The following RAB11FIP5 variants were observed in gnomAD, a reference collection of about 807,000 sequenced individuals.
RAB11FIP5 encodes the protein rab11 family-interacting protein 5.
Under a neutral mutation model 85.1 loss-of-function variants are expected in RAB11FIP5, and 48 were observed. The observed-to-expected ratio is 0.56, with a 90% CI of 0.45 to 0.72. The LOEUF is 0.72. Among genes scored for constraint, RAB11FIP5 ranks in the 30% least tolerant of loss-of-function variants. The probability of loss-of-function intolerance (pLI) is 0.00; values close to 1 mark genes in which losing one functional copy is unlikely to be tolerated. For missense variants in RAB11FIP5, 1,491 were observed against 1,687.0 expected (o/e 0.88, Z 2.04); for synonymous variants, 729 against 727.3 (o/e 1.00, Z -0.04).
chr2:73,103,089 AC>A (rs1684460249), intron 1 of RAB11FIP5, among the ~76,000 whole-genome samples: 1 of 151,808 alleles, frequency 6.6e-6, no homozygotes, highest in Non-Finnish European at 1.5e-5. Flanking sequence ...CCTCAAGCCA[AC>A]CCCTGCTGTC....
At position 73,078,729 on chromosome 2, in the gene RAB11FIP5, T is replaced by G. The variant is rs1011822135; in HGVS notation, c.3581+922A>C. 3.3e-5 allele frequency among the ~76,000 whole-genome samples: 5 copies of G among 152,208 alleles called. No individual in the cohort carries two copies. Among genetic ancestry groups the G allele is most frequent in the Non-Finnish European group, 1.5e-5 (1 of 68,028 alleles). On this transcript the variant is annotated intron_variant, in intron 4 of 5. Coordinates refer to ENST00000486777, the MANE Select transcript of RAB11FIP5 (RefSeq NM_001371272.1). This position sits in a 1 kb window ranked among gnomAD's most constrained non-coding sequence, Gnocchi z 4.4. ...CATGAATGCCTGGTCGGGAGGCCAG[T>G]GCTGGAGCCTGCCCTGCTCTCCCCT...
Position 73,089,303 on chromosome 2 carries a change from C to T in RAB11FIP5, c.444G>A (p.Leu148=), listed in dbSNP as rs771692717. The T allele has an allele frequency of 2.5e-6, 4 of 1,613,614 alleles. No individual in the cohort carries two copies. The South Asian group carries it at 4.4e-5, about 18-fold the overall frequency. The change falls in exon 2 of 6, where the codon CTG becomes CTA. Residue 148 remains leucine, a synonymous_variant. Coordinates refer to ENST00000486777, the MANE Select transcript of RAB11FIP5 (RefSeq NM_001371272.1). This position sits in a 1 kb window ranked among gnomAD's most constrained non-coding sequence, Gnocchi z 4.6. Reference sequence around the variant, plus strand: ...TCTCCTTCTTGCCTGGCTTGGAGTGCAGCTTGTACCACCTGTGAGAAGAGG... The same window carrying T: ...TCTCCTTCTTGCCTGGCTTGGAGTGTAGCTTGTACCACCTGTGAGAAGAGG... ...GRAQHTQWYK[L]HSKPGKKEKE...
intron 1 of RAB11FIP5, among the ~76,000 whole-genome samples, chr2:73,094,589 C>A (rs1012866049): frequency 6.6e-6 from 1 of 152,206 alleles, no homozygotes; most frequent in Admixed American, 6.5e-5. Context: ...GGTGGGGCCC[C>A]ACAGGTGAGT....
In RAB11FIP5 at chr2:73,078,493, C is replaced by T. The variant is rs941954672; in HGVS notation, c.3581+1158G>A. On this transcript the variant is annotated intron_variant, in intron 4 of 5. Coordinates refer to ENST00000486777, the MANE Select transcript of RAB11FIP5 (RefSeq NM_001371272.1). The surrounding 1 kb of genome is among the most constrained non-coding windows in gnomAD (Gnocchi z 4.4). ...CACCTCAAGGGAGGAGAGTCACCAC[C>T]ACCACCAGGGAGGGACACTGGGGGC... Among the ~76,000 whole-genome samples, 16 of 152,226 alleles carry T rather than the reference C, an allele frequency of 1.1e-4. No homozygotes were observed. The highest frequency in any genetic ancestry group is 2.2e-4 in the Non-Finnish European group (15 of 68,044).
Position 73,088,280 on chromosome 2 carries a change from A to G in RAB11FIP5, c.1338T>C (p.Ala446=), listed in dbSNP as rs1307659616. The stretch of plus-strand genomic sequence containing the variant: ...TCCGGGCTCCCTCCTTCTCTGCCAC[A>G]GCCTCAGAGGAGGCCACTATGGGTG... The part of the protein sequence containing the change: ...VATPIVASSE[A]VAEKEGARKE... The change falls in exon 3 of 6, where the codon GCT becomes GCC. Residue 446 remains alanine (A), a synonymous_variant. Transcript: ENST00000486777. The G allele has an allele frequency of 6.2e-7, 1 of 1,613,922 alleles. No homozygotes were observed. The highest frequency in any genetic ancestry group is 1.1e-5 in the South Asian group (1 of 91,088).
intron 3 of RAB11FIP5, among the ~76,000 whole-genome samples, chr2:73,082,128 C>T (rs1443844341): frequency 4.6e-5 from 7 of 151,814 alleles, no homozygotes; most frequent in Non-Finnish European, 7.4e-5. Flanking sequence ...TTCTGCCTCC[C>T]AGGCTCAAGC....
chr2:73,109,053 A>G (rs1034599596), intron 1 of RAB11FIP5, among the ~76,000 whole-genome samples: 3 of 151,324 alleles, frequency 2.0e-5, no homozygotes, highest in African/African-American at 4.9e-5. Flanking sequence ...TCAAAAAAGA[A>G]AAAAAAAAGG....
At chr2:73,084,993 G>A (rs1240740496) in intron 3 of RAB11FIP5, among the ~76,000 whole-genome samples, 1 of 152,188 alleles carries the variant, frequency 6.6e-6, no homozygotes, top group Non-Finnish European at 1.5e-5. Context: ...CAGGGGCCTT[G>A]TAAGCTGTAA....
chr2:73,112,505 G>T lies in RAB11FIP5; in HGVS notation c.273C>A (p.Ala91=), dbSNP rs1450134188. Residue 91 remains alanine, a synonymous_variant, in exon 1 of 6, where the codon GCC becomes GCA. Transcript: ENST00000486777. The stretch of plus-strand genomic sequence containing the variant: ...CGGCCCAGGGCGCCGGGCCCGCGTC[G>T]GCCTCCTGCGCCCGCAGCAGGCCAT... ...ALDGLLRAQE[A]DAGPAPWAAS... 6.7e-7 allele frequency: 1 copy of T among 1,497,194 alleles called. No individual in the cohort carries two copies. The highest frequency in any genetic ancestry group is 1.3e-5 in the South Asian group (1 of 77,960). 92.7% of individuals were successfully genotyped at this position (1,497,194 alleles called of 1,614,324 possible). A position where few individuals can be genotyped will look rare whatever the true frequency, so the allele number is the denominator to read the frequency against.
At position 73,088,729 on chromosome 2, in the gene RAB11FIP5, G is replaced by A. The variant is rs1684145605; in HGVS notation, c.889C>T (p.Pro297Ser). 6.2e-7 allele frequency: 1 copy of A among 1,605,708 alleles called. No individual in the cohort carries two copies. The highest frequency in any genetic ancestry group is 8.5e-7 in the Non-Finnish European group (1 of 1,176,444). ...GTCCTCTTATGGGTGAACAGCTTGGGGGACTGTGCAGAGTCCCTGCCTGCA... is the reference window on the plus strand; with the variant it reads ...GTCCTCTTATGGGTGAACAGCTTGGAGGACTGTGCAGAGTCCCTGCCTGCA... Reference protein sequence around the residue: ...TEGGRDSAQSPKLFTHKRTYS... With the variant: ...TEGGRDSAQSSKLFTHKRTYS... Residue 297 changes from proline to serine, a missense_variant, in exon 3 of 6, where the codon CCC becomes TCC. Transcript: ENST00000486777.
rs1684090986 is a variant in RAB11FIP5, at chr2:73,086,438, C to A, written c.1568+1612G>T. Among the ~76,000 whole-genome samples, 1 of 152,138 alleles carries A rather than the reference C, an allele frequency of 6.6e-6. No homozygotes were observed. Among genetic ancestry groups the A allele is most frequent in the African/African-American group, 2.4e-5 (1 of 41,408 alleles). ...GTAAGTGCCCCAGGCCAGTGACAAC[C>A]CCACAGACTCACAGCCTGTGGGAGT... On this transcript the variant is annotated intron_variant, in intron 3 of 5. Transcript: ENST00000486777. This position sits in a 1 kb window ranked among gnomAD's most constrained non-coding sequence, Gnocchi z 4.4.
intron 3 of RAB11FIP5, among the ~76,000 whole-genome samples, chr2:73,082,841 A>C (rs1386409187): frequency 2.0e-5 from 3 of 152,192 alleles, no homozygotes; most frequent in Non-Finnish European, 2.9e-5. Context: ...CGTGCTCTCA[A>C]ACTAGAGCTT....
chr2:73,080,960 G>A lies in RAB11FIP5; in HGVS notation c.2272C>T (p.Gln758Ter), dbSNP rs1422913618. 2 of 1,232,208 alleles carry A rather than the reference G, an allele frequency of 1.6e-6. No homozygotes were observed. Among genetic ancestry groups the A allele is most frequent in the Non-Finnish European group, 2.0e-6 (2 of 988,108 alleles). 76.3% of individuals were successfully genotyped at this position (1,232,208 alleles called of 1,614,324 possible). Residue 758 changes from glutamine (Q) to a stop codon, truncating the protein, a stop_gained, in exon 4 of 6, where the codon CAG (glutamine) becomes TAG (stop). Transcript: ENST00000486777. LOFTEE classifies it high-confidence loss of function. ...AGLPSSSAQLQLRASGSEPDR... is the reference protein window; with the variant it reads ...AGLPSSSAQL ...GGTTCTGAGCCTGAGGCTCTCAGCTGTAGCTGGGCTGACGAGGAGGGCAGG... is the reference window on the plus strand; with the variant it reads ...GGTTCTGAGCCTGAGGCTCTCAGCTATAGCTGGGCTGACGAGGAGGGCAGG...
Position 73,112,918 on chromosome 2 carries a change from G to C in RAB11FIP5, c.-141C>G. ...CGGGCTGGGCTGGGCCGGGCCGACC[G>C]GCCGCCGCCTCCCCGCCTCACCGGG... On this transcript the variant is annotated 5_prime_UTR_variant, in exon 1 of 6. Transcript: ENST00000486777. 4 of 715,928 alleles carry C rather than the reference G, an allele frequency of 5.6e-6. No homozygotes were observed. Among genetic ancestry groups the C allele is most frequent in the East Asian group, 3.9e-5 (1 of 25,444 alleles). 44.3% of individuals were successfully genotyped at this position (715,928 alleles called of 1,614,324 possible).
intron 1 of RAB11FIP5, among the ~76,000 whole-genome samples, chr2:73,109,641 G>A (rs1299502212): frequency 2.0e-5 from 3 of 152,180 alleles, no homozygotes; most frequent in Admixed American, 1.3e-4. Context: ...ATCTGAGCCT[G>A]GTTTCAGGAC....
rs1574297379 is a variant in RAB11FIP5, at chr2:73,088,445, A to C, written c.1173T>G (p.Ser391Arg). 6.2e-7 allele frequency: 1 copy of C among 1,613,874 alleles called. No homozygotes were observed. The highest frequency in any genetic ancestry group is 8.5e-7 in the Non-Finnish European group (1 of 1,180,028). The change falls in exon 3 of 6, where the codon AGT (serine) becomes AGG (arginine). Residue 391 changes from serine to arginine, a missense_variant. Coordinates refer to ENST00000486777, the MANE Select transcript of RAB11FIP5 (RefSeq NM_001371272.1). ...CTGCCTCTGAGCTGCTGTTGCTACG[A>C]CTGCCTCTGGGCCAGGTGTCATCTG... ...RSTDDTWPRG[S>R]RSNSSSEAVL... is the part of the protein sequence containing the mutation.
At position 73,088,294 on chromosome 2, in the gene RAB11FIP5, C is replaced by A. The variant is rs1397307288; in HGVS notation, c.1324G>T (p.Ala442Ser). The A allele has an allele frequency of 3.1e-6, 5 of 1,613,776 alleles. No individual in the cohort carries two copies. The highest frequency in any genetic ancestry group is 4.2e-6 in the Non-Finnish European group (5 of 1,180,002). The change falls in exon 3 of 6, where the codon GCC becomes TCC. Residue 442 changes from alanine to serine, a missense_variant. By Grantham distance (99) the Ala-to-Ser change is moderately conservative. Transcript: ENST00000486777. The stretch of plus-strand genomic sequence containing the variant: ...TTCTCTGCCACAGCCTCAGAGGAGG[C>A]CACTATGGGTGTGGCAACCTGGACT... ...KPVQVATPIV[A>S]SSEAVAEKEG...
In RAB11FIP5 at chr2:73,086,665, C is replaced by T. The variant is rs1056344724; in HGVS notation, c.1568+1385G>A. On this transcript the variant is annotated intron_variant, in intron 3 of 5. Coordinates refer to ENST00000486777, the MANE Select transcript of RAB11FIP5 (RefSeq NM_001371272.1). This position sits in a 1 kb window ranked among gnomAD's most constrained non-coding sequence, Gnocchi z 4.4. ...CCTCTACCCTACCACCTCCAAATACCTCTGGCTGGCTGTCACAGGGACACC... is the reference window on the plus strand; with the variant it reads ...CCTCTACCCTACCACCTCCAAATACTTCTGGCTGGCTGTCACAGGGACACC... Among the ~76,000 whole-genome samples the T allele has an allele frequency of 2.6e-5, 4 of 152,340 alleles. No individual in the cohort carries two copies. Among genetic ancestry groups the T allele is most frequent in the Admixed American group, 2.6e-4 (4 of 15,310 alleles).
intron 1 of RAB11FIP5, among the ~76,000 whole-genome samples, chr2:73,109,881 T>C (rs1183370183): frequency 6.6e-6 from 1 of 152,234 alleles, no homozygotes; most frequent in East Asian, 1.9e-4. Flanking sequence ...CCATCACTGC[T>C]CTGCACTGAC....
Sources: allele counts gnomAD v4.1 joint callset (sites outside exome capture counted in the v4.1 genomes callset), GRCh38; gene constraint gnomAD v4.1.1; non-coding constraint Gnocchi (gnomAD v3.1); transcripts MANE v1.5; gene names NCBI Gene and HGNC (gene_info 2026-07-23, HGNC 2026-07-21).